HOXC10: variants seen among roughly 807,000 people sequenced by gnomAD.
HOXC10 encodes the protein homeobox C10.
A neutral mutation model predicts 26.0 loss-of-function variants in HOXC10; 15 were observed. The ratio of observed to expected loss-of-function variants is 0.58; its 90% CI spans 0.39 to 0.89. The LOEUF is 0.89. HOXC10 is among the 40% of genes least tolerant of loss of function. The pLI is 0.00. For missense variants in HOXC10, 446 were observed against 451.9 expected (o/e 0.99, Z 0.12); for synonymous variants, 196 against 185.5 (o/e 1.06, Z -0.46).
chr12:53,985,218 C>T lies in HOXC10; in HGVS notation c.-42C>T. ...TGGGGAAAAAAAAAGATGTCAGCTC[C>T]TCCGCTGTAGTATTGCTCCTTAAAA... On this transcript the variant is annotated 5_prime_UTR_variant, in exon 1 of 2. Coordinates refer to ENST00000303460, the MANE Select transcript of HOXC10 (RefSeq NM_017409.4). 7.5e-7 allele frequency: 1 copy of T among 1,337,916 alleles called. No homozygotes were observed. Among genetic ancestry groups the T allele is most frequent in the Non-Finnish European group, 9.7e-7 (1 of 1,034,798 alleles). The allele number at this position is 1,337,916 out of a possible 1,614,324, so 82.9% of individuals were successfully genotyped here.
Position 53,985,400 on chromosome 12 carries a change from C to T in HOXC10, c.141C>T (p.Cys47=). ...SDFNCGVMRG[C]GLAPSLSKRD... is the part of the protein sequence containing the mutation. ...TCAATTGCGGGGTGATGAGGGGCTG[C>T]GGGCTCGCGCCCTCGCTCTCCAAGA... is the stretch of plus-strand genomic sequence containing the variant. Residue 47 remains cysteine (C), a synonymous_variant, in exon 1 of 2, where the codon TGC becomes TGT. Coordinates refer to ENST00000303460, the MANE Select transcript of HOXC10 (RefSeq NM_017409.4). 6.2e-7 allele frequency: 1 copy of T among 1,613,106 alleles called. No homozygotes were observed. Among genetic ancestry groups the T allele is most frequent in the Non-Finnish European group, 8.5e-7 (1 of 1,179,904 alleles).
chr12:53,985,169 T>G lies in HOXC10; in HGVS notation c.-91T>G. 1.9e-5 allele frequency: 7 copies of G among 374,720 alleles called. No homozygotes were observed. The highest frequency in any genetic ancestry group is 2.1e-5 in the Non-Finnish European group (6 of 279,968). 23.2% of individuals were successfully genotyped at this position (374,720 alleles called of 1,614,324 possible). A position where few individuals can be genotyped will look rare whatever the true frequency, so the allele number is the denominator to read the frequency against. On this transcript the variant is annotated 5_prime_UTR_variant, in exon 1 of 2. Transcript: ENST00000303460. ...CTCCCCTTCTTTTTCCTCCCTCCCC[T>G]CCAACCGCGCCCCCCCTCCCGGATG... is the stretch of plus-strand genomic sequence containing the variant.
chr12:53,985,221 C>T lies in HOXC10; in HGVS notation c.-39C>T, dbSNP rs1939409340. The T allele has an allele frequency of 1.4e-6, 2 of 1,404,662 alleles. No homozygotes were observed. Among genetic ancestry groups the T allele is most frequent in the African/African-American group, 1.5e-5 (1 of 68,566 alleles). 87.0% of individuals were successfully genotyped at this position (1,404,662 alleles called of 1,614,324 possible). A position where few individuals can be genotyped will look rare whatever the true frequency, so the allele number is the denominator to read the frequency against. On this transcript the variant is annotated 5_prime_UTR_variant, in exon 1 of 2. Coordinates refer to ENST00000303460, the MANE Select transcript of HOXC10 (RefSeq NM_017409.4). ...GGAAAAAAAAAGATGTCAGCTCCTC[C>T]GCTGTAGTATTGCTCCTTAAAAACC... is the stretch of plus-strand genomic sequence containing the variant.
Position 53,985,488 on chromosome 12 carries a change from G to A in HOXC10, c.229G>A (p.Asp77Asn). The change falls in exon 1 of 2, where the codon GAC (aspartate) becomes AAC (asparagine). Residue 77 changes from aspartate (D) to asparagine (N), a missense_variant. Coordinates refer to ENST00000303460, the MANE Select transcript of HOXC10 (RefSeq NM_017409.4). Reference protein sequence around the residue: ...NTYPSYLSQLDSWGDPKAAYR... With the variant: ...NTYPSYLSQLNSWGDPKAAYR... ...CTATCCGTCCTACCTCTCGCAGCTG[G>A]ACTCCTGGGGCGACCCCAAAGCCGC... is the stretch of plus-strand genomic sequence containing the variant. 1 of 1,613,652 alleles carries A rather than the reference G, an allele frequency of 6.2e-7. No individual in the cohort carries two copies. The highest frequency in any genetic ancestry group is 8.5e-7 in the Non-Finnish European group (1 of 1,179,898).
At chr12:53,986,574 T>C (rs1341112258) in intron 1 of HOXC10, 3 of 152,342 alleles carry the variant, frequency 2.0e-5, no homozygotes, top group Non-Finnish European at 4.4e-5. Flanking sequence ...GCCGGGGGCC[T>C]TGGGCAGCGA....
intron 1 of HOXC10, among the ~76,000 whole-genome samples, chr12:53,987,386 C>A (rs754308558): frequency 6.6e-6 from 1 of 152,202 alleles, no homozygotes; most frequent in Non-Finnish European, 1.5e-5. Flanking sequence ...CCCATAGAGA[C>A]ACTGACTGGA....
chr12:53,985,809 G>T lies in HOXC10; in HGVS notation c.550G>T (p.Ala184Ser), dbSNP rs957997922. The T allele has an allele frequency of 6.2e-6, 10 of 1,613,776 alleles. No homozygotes were observed. The highest frequency in any genetic ancestry group is 8.5e-6 in the Non-Finnish European group (10 of 1,180,014). The change falls in exon 1 of 2, where the codon GCC becomes TCC. Residue 184 changes from alanine to serine, a missense_variant. Transcript: ENST00000303460. ...FEQRASLNPR[A>S]EHLESPQLGG... is the part of the protein sequence containing the mutation. ...GCAGCGGGCCAGTCTCAACCCGCGCGCCGAACATCTGGAATCGCCTCAGCT... is the reference window on the plus strand; with the variant it reads ...GCAGCGGGCCAGTCTCAACCCGCGCTCCGAACATCTGGAATCGCCTCAGCT...
In HOXC10 at chr12:53,989,583, T is replaced by C; in HGVS notation, c.*137T>C. 3.7e-6 allele frequency: 3 copies of C among 820,364 alleles called. No individual in the cohort carries two copies. The highest frequency in any genetic ancestry group is 5.7e-6 in the Non-Finnish European group (3 of 527,840). 50.8% of individuals were successfully genotyped at this position (820,364 alleles called of 1,614,324 possible). ...CAAAAAAGGCAAAGACCTCAGACTC[T>C]CCTTCCAAGGGACCTGTGGTTCGTG... On this transcript the variant is annotated 3_prime_UTR_variant, in exon 2 of 2. Coordinates refer to ENST00000303460, the MANE Select transcript of HOXC10 (RefSeq NM_017409.4).
chr12:53,989,643 G>T lies in HOXC10; in HGVS notation c.*197G>T. The T allele has an allele frequency of 1.6e-6, 1 of 614,854 alleles. No homozygotes were observed. Among genetic ancestry groups the T allele is most frequent in the South Asian group, 2.1e-5 (1 of 48,100 alleles). The allele number at this position is 614,854 out of a possible 1,614,324, so 38.1% of individuals were successfully genotyped here. On this transcript the variant is annotated 3_prime_UTR_variant, in exon 2 of 2. Transcript: ENST00000303460. ...TGCTTCCACTTAAAGCATGAGAAAT[G>T]GGGTGCCGGGATGTGGGGTGTGGTG... is the stretch of plus-strand genomic sequence containing the variant.
rs138069369 is a variant in HOXC10 at position 53,989,398 on chromosome 12, C to T, written c.981C>T (p.Asn327=). 6 of 1,613,978 alleles carry T rather than the reference C, an allele frequency of 3.7e-6. No homozygotes were observed. In the African/African-American group the frequency reaches 6.7e-5, roughly 18 times the overall value. Residue 327 remains asparagine (N), a synonymous_variant, in exon 2 of 2, where the codon AAC becomes AAT. Coordinates refer to ENST00000303460, the MANE Select transcript of HOXC10 (RefSeq NM_017409.4). ...GCAGAATGAAACTCAAGAAAATGAACCGAGAGAATCGGATCCGGGAACTGA... is the reference window on the plus strand; with the variant it reads ...GCAGAATGAAACTCAAGAAAATGAATCGAGAGAATCGGATCCGGGAACTGA... ...QNRRMKLKKM[N]RENRIRELTS... is the part of the protein sequence containing the mutation.
In HOXC10 at chr12:53,989,501, C is replaced by T. The variant is rs1275109115; in HGVS notation, c.*55C>T. 2.2e-5 allele frequency: 33 copies of T among 1,526,198 alleles called. No individual in the cohort carries two copies. The Admixed American group carries it at 6.8e-4, about 31-fold the overall frequency. The allele number at this position is 1,526,198 out of a possible 1,614,324, so 94.5% of individuals were successfully genotyped here. A position where few individuals can be genotyped will look rare whatever the true frequency, so the allele number is the denominator to read the frequency against. ...TCCTTCCTCTCCCCGCCCCTCCTCCCTTTGTGCCTGGTGATATATTTTTTT... is the reference window on the plus strand; with the variant it reads ...TCCTTCCTCTCCCCGCCCCTCCTCCTTTTGTGCCTGGTGATATATTTTTTT... On this transcript the variant is annotated 3_prime_UTR_variant, in exon 2 of 2. Coordinates refer to ENST00000303460, the MANE Select transcript of HOXC10 (RefSeq NM_017409.4).
Position 53,989,685 on chromosome 12 carries a change from G to A in HOXC10, c.*239G>A. ...GGTGTGGTGTGTGCCCTCATAGATG[G>A]GGGTGGGAGTGTGGCTGGTGTGTGT... On this transcript the variant is annotated 3_prime_UTR_variant, in exon 2 of 2. Coordinates refer to ENST00000303460, the MANE Select transcript of HOXC10 (RefSeq NM_017409.4). 1 of 540,046 alleles carries A rather than the reference G, an allele frequency of 1.9e-6. No individual in the cohort carries two copies. The highest frequency in any genetic ancestry group is 3.3e-6 in the Non-Finnish European group (1 of 307,456). The allele number at this position is 540,046 out of a possible 1,614,324, so 33.5% of individuals were successfully genotyped here. A position where few individuals can be genotyped will look rare whatever the true frequency, so the allele number is the denominator to read the frequency against.
chr12:53,987,063 C>G (rs1479107452), intron 1 of HOXC10, among the ~76,000 whole-genome samples: 1 of 152,192 alleles, frequency 6.6e-6, no homozygotes, highest in Admixed American at 6.5e-5. Context: ...GCCCAACCAA[C>G]GGGGAAGAAT....
chr12:53,985,386 G>T lies in HOXC10; in HGVS notation c.127G>T (p.Val43Leu). The change falls in exon 1 of 2, where the codon GTG becomes TTG. Residue 43 changes from valine (V) to leucine (L), a missense_variant. Transcript: ENST00000303460. ...GTCTGGGAGTGACTTCAATTGCGGGGTGATGAGGGGCTGCGGGCTCGCGCC... is the reference window on the plus strand; with the variant it reads ...GTCTGGGAGTGACTTCAATTGCGGGTTGATGAGGGGCTGCGGGCTCGCGCC... The part of the protein sequence containing the change: ...MQSGSDFNCG[V>L]MRGCGLAPSL... 1.2e-6 allele frequency: 2 copies of T among 1,614,006 alleles called. No individual in the cohort carries two copies. The highest frequency in any genetic ancestry group is 1.7e-6 in the Non-Finnish European group (2 of 1,180,024).
intron 1 of HOXC10, among the ~76,000 whole-genome samples, chr12:53,987,409 G>T (rs563218402): frequency 6.6e-6 from 1 of 152,320 alleles, no homozygotes; most frequent in East Asian, 1.9e-4. Flanking sequence ...ATGAGCGCTG[G>T]TGTGTTCATG....
In HOXC10 at chr12:53,989,602, G is replaced by C. The variant is rs1939486714; in HGVS notation, c.*156G>C. 1 of 731,548 alleles carries C rather than the reference G, an allele frequency of 1.4e-6. No homozygotes were observed. The highest frequency in any genetic ancestry group is 2.7e-5 in the East Asian group (1 of 36,966). The allele number at this position is 731,548 out of a possible 1,614,324, so 45.3% of individuals were successfully genotyped here. On this transcript the variant is annotated 3_prime_UTR_variant, in exon 2 of 2. Transcript: ENST00000303460. ...AGACTCTCCTTCCAAGGGACCTGTG[G>C]TTCGTGCTGCGAAGATGCTTCCACT...
At chr12:53,988,293 A>G (rs1939468559) in intron 1 of HOXC10, among the ~76,000 whole-genome samples, 1 of 152,306 alleles carries the variant, frequency 6.6e-6, no homozygotes, top group East Asian at 1.9e-4. Flanking sequence ...ACTCATGTAC[A>G]TATCTATGTG....
At position 53,986,028 on chromosome 12, in the gene HOXC10, G is replaced by GC; in HGVS notation, c.751+19dup. 1 of 1,535,132 alleles carries GC rather than the reference G, an allele frequency of 6.5e-7. No individual in the cohort carries two copies. Among genetic ancestry groups the GC allele is most frequent in the African/African-American group, 1.4e-5 (1 of 72,358 alleles). On this transcript the variant is annotated intron_variant, in intron 1 of 1. Transcript: ENST00000303460. ...AGCGAAAGGTAAGGCCGCCTGGGCC[G>GC]CGGGCGCCACTGGGACGTTCCGGCA... is the stretch of plus-strand genomic sequence containing the variant.
chr12:53,986,191 A>T, intron 1 of HOXC10, 181 bp downstream of exon 1: 1 of 697,720 alleles, frequency 1.4e-6, no homozygotes, highest in Non-Finnish European at 2.2e-6. Flanking sequence ...TTAGCTGGGG[A>T]AGGTAAGCGG....
Sources: allele counts gnomAD v4.1 joint callset (sites outside exome capture counted in the v4.1 genomes callset), GRCh38; gene constraint gnomAD v4.1.1; transcripts MANE v1.5; gene names NCBI Gene and HGNC (gene_info 2026-07-23, HGNC 2026-07-21).